The following DPF3 variants were observed in gnomAD, a reference collection of about 807,000 sequenced individuals.
DPF3 encodes the protein double PHD fingers 3, also known as zinc finger protein DPF3.
In DPF3, 18 loss-of-function variants were observed where a neutral mutation model predicts 56.8. That is an observed-to-expected ratio of 0.32 (90% CI 0.22 to 0.47). The LOEUF (loss-of-function observed/expected upper bound fraction) is 0.47. Ranked by LOEUF, DPF3 falls within the 20% of genes least tolerant of loss-of-function variation. The probability of loss-of-function intolerance (pLI) is 1.00; values close to 1 mark genes in which losing one functional copy is unlikely to be tolerated. For synonymous variants in DPF3, 188 were observed against 180.2 expected (o/e 1.04, Z -0.35); for missense variants, 403 against 488.8 (o/e 0.82, Z 1.65).
chr14:72,767,801 AG>A (rs1891353463), intron 2 of DPF3, among the ~76,000 whole-genome samples: 1 of 150,524 alleles, frequency 6.6e-6, no homozygotes, highest in Non-Finnish European at 1.5e-5. Flanking sequence ...CACAGGTTGA[AG>A]AAGCTGAGTA....
At chr14:72,734,464 A>G (rs1454738261) in intron 3 of DPF3, among the ~76,000 whole-genome samples, 1 of 152,192 alleles carries the variant, frequency 6.6e-6, no homozygotes, top group Non-Finnish European at 1.5e-5. Flanking sequence ...TAAAGCAATT[A>G]GTGTGTGCTG....
chr14:72,679,861 G>A (rs887716314), intron 7 of DPF3, among the ~76,000 whole-genome samples: 14 of 152,238 alleles, frequency 9.2e-5, no homozygotes, highest in African/African-American at 2.7e-4. Flanking sequence ...GGGACGTGCT[G>A]GCTAGGCCAG....
chr14:72,861,462 G>A (rs569343460), intron 1 of DPF3, among the ~76,000 whole-genome samples: 7 of 152,108 alleles, frequency 4.6e-5, no homozygotes, highest in Admixed American at 4.6e-4. Context: ...CCACTTTTGA[G>A]GGTGAATTTG....
At chr14:72,814,601 G>A (rs1263307409) in intron 1 of DPF3, among the ~76,000 whole-genome samples, 1 of 152,154 alleles carries the variant, frequency 6.6e-6, no homozygotes, top group Non-Finnish European at 1.5e-5. Context: ...GATCTCTTGA[G>A]ACCAGGAGTT....
intron 1 of DPF3, among the ~76,000 whole-genome samples, chr14:72,867,641 C>T (rs1431634544): frequency 6.6e-6 from 1 of 152,218 alleles, no homozygotes; most frequent in Non-Finnish European, 1.5e-5. Flanking sequence ...ATGCCCCGCC[C>T]TCCATGACTA....
chr14:72,684,203 C>A (rs1489905544), intron 7 of DPF3, among the ~76,000 whole-genome samples: 1 of 152,054 alleles, frequency 6.6e-6, no homozygotes, highest in East Asian at 1.9e-4. Flanking sequence ...TGCACCACCA[C>A]ACCTGGCTAA....
At chr14:72,687,330 T>C (rs924629111) in intron 7 of DPF3, among the ~76,000 whole-genome samples, 6 of 152,232 alleles carry the variant, frequency 3.9e-5, no homozygotes, top group Non-Finnish European at 8.8e-5. Context: ...TAAATTTCCC[T>C]CTTAGGAGCT....
At chr14:72,762,334 T>C (rs142835223) in intron 2 of DPF3, among the ~76,000 whole-genome samples, 1 of 151,700 alleles carries the variant, frequency 6.6e-6, no homozygotes, top group South Asian at 2.1e-4. Context: ...AAAGATAAAA[T>C]AGCATAACAA....
At chr14:72,823,311 G>A (rs1014735187) in intron 1 of DPF3, among the ~76,000 whole-genome samples, 2 of 152,186 alleles carry the variant, frequency 1.3e-5, no homozygotes, top group Non-Finnish European at 2.9e-5. Flanking sequence ...TATTAGAGAT[G>A]TGAGACCAGA....
rs1410767621 is a variant in DPF3, at chr14:72,611,935, G to A, written c.*7362C>T. 6.6e-6 allele frequency among the ~76,000 whole-genome samples: 1 copy of A among 152,168 alleles called. No homozygotes were observed. Among genetic ancestry groups the A allele is most frequent in the Non-Finnish European group, 1.5e-5 (1 of 68,044 alleles). On this transcript the variant is annotated 3_prime_UTR_variant, in exon 11 of 11. Coordinates refer to ENST00000556509, the MANE Select transcript of DPF3 (RefSeq NM_001280542.3). ...CGATACTTGACCTACAATCACGATT[G>A]CTTGGCAGAGCTTAATTTCATGGCT...
intron 3 of DPF3, among the ~76,000 whole-genome samples, chr14:72,744,238 A>T (rs907799849): frequency 1.3e-5 from 2 of 152,084 alleles, no homozygotes; most frequent in Admixed American, 1.3e-4. Context: ...GAATAATTTC[A>T]CCCAGGAACA....
chr14:72,821,092 C>G (rs1252770770), intron 1 of DPF3, among the ~76,000 whole-genome samples: 1 of 150,670 alleles, frequency 6.6e-6, no homozygotes, highest in Non-Finnish European at 1.5e-5. Flanking sequence ...TGTGATCACG[C>G]CACTGTACTC....
At chr14:72,798,076 G>A (rs1408336847) in intron 1 of DPF3, among the ~76,000 whole-genome samples, 1 of 151,808 alleles carries the variant, frequency 6.6e-6, no homozygotes, top group Non-Finnish European at 1.5e-5. Context: ...CTAAAACGGT[G>A]AAACCCTGTC....
chr14:72,854,452 T>C (rs947703451), intron 1 of DPF3, among the ~76,000 whole-genome samples: 1 of 152,206 alleles, frequency 6.6e-6, no homozygotes, highest in African/African-American at 2.4e-5. Flanking sequence ...CATTTAAGTA[T>C]TTGTTTAGAG....
intron 7 of DPF3, among the ~76,000 whole-genome samples, chr14:72,677,628 CT>C (rs5809587): frequency 0.53 from 80,245 of 151,932 alleles, 22,653 homozygotes; most frequent in East Asian, 0.94. Context: ...GGATGAGTGA[CT>C]TTAGAGAGGG....
chr14:72,617,692 G>A lies in DPF3; in HGVS notation c.*1605C>T, dbSNP rs1479996539. Among the ~76,000 whole-genome samples, 1 of 152,176 alleles carries A rather than the reference G, an allele frequency of 6.6e-6. No individual in the cohort carries two copies. Among genetic ancestry groups the A allele is most frequent in the African/African-American group, 2.4e-5 (1 of 41,432 alleles). Reference sequence around the variant, plus strand: ...GCTGCCCTGGGTCCACTGGCCAAGAGCAATTAGCCTAGAGAGGAGCACTCC... The same window carrying A: ...GCTGCCCTGGGTCCACTGGCCAAGAACAATTAGCCTAGAGAGGAGCACTCC... On this transcript the variant is annotated 3_prime_UTR_variant, in exon 11 of 11. Coordinates refer to ENST00000556509, the MANE Select transcript of DPF3 (RefSeq NM_001280542.3).
At chr14:72,875,587 C>G (rs1886081356) in intron 1 of DPF3, among the ~76,000 whole-genome samples, 1 of 152,252 alleles carries the variant, frequency 6.6e-6, no homozygotes, top group Non-Finnish European at 1.5e-5. Context: ...CCCAAACTCT[C>G]TGGCTCCAGA....
intron 3 of DPF3, among the ~76,000 whole-genome samples, chr14:72,738,593 G>A (rs1889998528): frequency 1.3e-5 from 2 of 152,262 alleles, no homozygotes; most frequent in East Asian, 3.9e-4. Flanking sequence ...AGGGTGGTGG[G>A]AGTGGACAGA....
At chr14:72,772,920 G>A (rs1339639249) in intron 1 of DPF3, among the ~76,000 whole-genome samples, 1 of 152,136 alleles carries the variant, frequency 6.6e-6, no homozygotes, top group Non-Finnish European at 1.5e-5. Context: ...AGTGTGGGAA[G>A]AAGAAGTAGG....
Sources: gnomAD v4.1 joint callset for allele counts (sites outside exome capture counted in the v4.1 genomes callset) on GRCh38, gnomAD v4.1.1 for gene constraint, MANE v1.5 for transcripts, NCBI Gene and HGNC (gene_info 2026-07-23, HGNC 2026-07-21) for gene names.